KLHL1: variants seen among roughly 807,000 people sequenced by gnomAD.
KLHL1 encodes the protein kelch-like protein 1.
KLHL1 carries 47 observed loss-of-function variants against 77.7 expected under a neutral mutation model. The ratio of observed to expected loss-of-function variants is 0.60; its 90% CI spans 0.48 to 0.77. KLHL1 has a LOEUF of 0.77. Among genes scored for constraint, KLHL1 ranks in the 30% least tolerant of loss-of-function variants. The pLI, the probability that KLHL1 is intolerant of heterozygous loss-of-function variation, is 0.00. For synonymous variants in KLHL1, 360 were observed against 325.2 expected (o/e 1.11, Z -1.15); for missense variants, 925 against 910.8 (o/e 1.02, Z -0.20).
At chr13:69,972,794 A>G (rs571528441) in intron 2 of KLHL1, among the ~76,000 whole-genome samples, 6 of 151,906 alleles carry the variant, frequency 3.9e-5, no homozygotes, top group Non-Finnish European at 7.4e-5. Context: ...ATATCTGTAC[A>G]TTATATCAGA....
chr13:69,759,227 G>T (rs1874906470), intron 7 of KLHL1, among the ~76,000 whole-genome samples: 1 of 152,110 alleles, frequency 6.6e-6, no homozygotes, highest in African/African-American at 2.4e-5. Context: ...TCAGAATCTA[G>T]AGACTCAAAA....
At chr13:69,979,384 C>T (rs1297513792) in intron 1 of KLHL1, among the ~76,000 whole-genome samples, 1 of 151,932 alleles carries the variant, frequency 6.6e-6, no homozygotes, top group Non-Finnish European at 1.5e-5. Context: ...AATCTTTCTC[C>T]TCAACCTTAT....
intron 4 of KLHL1, among the ~76,000 whole-genome samples, chr13:69,904,351 T>A (rs2138232633): frequency 6.6e-6 from 1 of 152,264 alleles, no homozygotes; most frequent in South Asian, 2.1e-4. Flanking sequence ...TATAAAAAAG[T>A]ATATGTATTT....
intron 1 of KLHL1, among the ~76,000 whole-genome samples, chr13:70,095,948 T>G (rs1384076040): frequency 6.6e-6 from 1 of 152,094 alleles, no homozygotes; most frequent in Non-Finnish European, 1.5e-5. Flanking sequence ...AAACAATATT[T>G]GTCTTTCTGT....
At chr13:69,785,134 C>T (rs7986044) in intron 7 of KLHL1, among the ~76,000 whole-genome samples, 16,183 of 151,656 alleles carry the variant, frequency 0.11, 963 homozygotes, top group African/African-American at 0.15. Flanking sequence ...CCTCGTGATC[C>T]GCCCGCCTTG....
At chr13:70,082,189 A>G (rs1244490579) in intron 1 of KLHL1, among the ~76,000 whole-genome samples, 3 of 152,014 alleles carry the variant, frequency 2.0e-5, no homozygotes, top group Non-Finnish European at 4.4e-5. Flanking sequence ...CAGAAATGTG[A>G]GCCAATTGAA....
intron 4 of KLHL1, among the ~76,000 whole-genome samples, chr13:69,888,806 A>G (rs1306109776): frequency 1.3e-5 from 2 of 152,122 alleles, no homozygotes; most frequent in Non-Finnish European, 2.9e-5. Flanking sequence ...GGAGAGATCT[A>G]TAAAAATTAT....
chr13:69,809,555 G>A (rs1877773569), intron 6 of KLHL1, among the ~76,000 whole-genome samples: 2 of 151,992 alleles, frequency 1.3e-5, no homozygotes. Context: ...GATGCTTAAG[G>A]GAATTTTAGA....
chr13:70,038,711 C>A (rs1886301021), intron 1 of KLHL1, among the ~76,000 whole-genome samples: 1 of 150,820 alleles, frequency 6.6e-6, no homozygotes, highest in Non-Finnish European at 1.5e-5. Flanking sequence ...CTGCCTCAGC[C>A]TCTAGAGTAG....
intron 8 of KLHL1, among the ~76,000 whole-genome samples, chr13:69,725,124 G>C (rs1873238867): frequency 6.6e-6 from 1 of 152,106 alleles, no homozygotes; most frequent in African/African-American, 2.4e-5. Flanking sequence ...TTATCTTTAT[G>C]ATTCTGGTCA....
intron 1 of KLHL1, among the ~76,000 whole-genome samples, chr13:70,016,534 C>G (rs953929934): frequency 6.6e-6 from 1 of 152,214 alleles, no homozygotes; most frequent in Non-Finnish European, 1.5e-5. Context: ...CTGTCACAAC[C>G]CTGCCAGGTG....
intron 1 of KLHL1, among the ~76,000 whole-genome samples, chr13:70,059,468 C>T (rs572405098): frequency 2.2e-4 from 33 of 152,228 alleles, no homozygotes; most frequent in African/African-American, 7.9e-4. Flanking sequence ...CCACGCCTGG[C>T]TGGGCAAATA....
chr13:69,764,754 T>A (rs9783559), intron 7 of KLHL1, among the ~76,000 whole-genome samples: 55,216 of 151,434 alleles, frequency 0.36, 10,287 homozygotes, highest in African/African-American at 0.43. Flanking sequence ...CTCAATTCTA[T>A]TCTGAATTTT....
chr13:69,732,396 A>C (rs1873586361), intron 8 of KLHL1, among the ~76,000 whole-genome samples: 1 of 152,174 alleles, frequency 6.6e-6, no homozygotes, highest in Non-Finnish European at 1.5e-5. Flanking sequence ...GTAGTAATTT[A>C]AAAGAATGAG....
intron 3 of KLHL1, among the ~76,000 whole-genome samples, chr13:69,949,116 C>T (rs985415926): frequency 1.1e-4 from 17 of 151,924 alleles, no homozygotes; most frequent in South Asian, 4.2e-4. Flanking sequence ...ATCTTACATT[C>T]GTATGATATA....
intron 4 of KLHL1, among the ~76,000 whole-genome samples, chr13:69,933,783 A>G (rs530210272): frequency 1.8e-4 from 28 of 152,216 alleles, no homozygotes; most frequent in African/African-American, 6.0e-4. Context: ...CACCGGACAG[A>G]AAACAGAGAA....
intron 3 of KLHL1, among the ~76,000 whole-genome samples, chr13:69,941,461 A>C (rs1169414044): frequency 6.6e-6 from 1 of 152,110 alleles, no homozygotes; most frequent in Admixed American, 6.6e-5. Flanking sequence ...TGCTAAGAGG[A>C]AAGTTTATAG....
chr13:70,104,575 T>C (rs1213141758), intron 1 of KLHL1, among the ~76,000 whole-genome samples: 3 of 152,102 alleles, frequency 2.0e-5, no homozygotes, highest in Non-Finnish European at 4.4e-5. Flanking sequence ...TGAATAAAGA[T>C]AATGTCAGAG....
intron 8 of KLHL1, among the ~76,000 whole-genome samples, chr13:69,728,219 A>C (rs532184486): frequency 2.0e-5 from 3 of 152,184 alleles, no homozygotes; most frequent in South Asian, 2.1e-4. Flanking sequence ...AGAATACCAA[A>C]ATTTGAATAA....
Sources: gnomAD v4.1 joint callset for allele counts (sites outside exome capture counted in the v4.1 genomes callset) on GRCh38, gnomAD v4.1.1 for gene constraint, MANE v1.5 for transcripts, NCBI Gene and HGNC (gene_info 2026-07-23, HGNC 2026-07-21) for gene names.